NOTCH2NLA: variants seen among roughly 807,000 people sequenced by gnomAD.
NOTCH2NLA encodes the protein notch 2 N-terminal like A, also known as notch homolog 2 N-terminal-like protein A.
At chr1:146,228,336 C>T (rs587756856) in intron 1 of NOTCH2NLA, 1 of 981,536 alleles carries the variant, frequency 1.0e-6, no homozygotes, top group Admixed American at 6.1e-5. Flanking sequence ...TCGGCTCTCG[C>T]TCGACCCCAG....
intron 3 of NOTCH2NLA, among the ~76,000 whole-genome samples, chr1:146,159,074 C>T (rs1690036): frequency 5.3e-5 from 8 of 151,048 alleles, no homozygotes; most frequent in East Asian, 2.0e-4. Context: ...GAAAGATCCC[C>T]GGGCCGGAAG....
intron 2 of NOTCH2NLA, among the ~76,000 whole-genome samples, chr1:146,172,514 T>C (rs1432619653): frequency 6.6e-6 from 1 of 151,860 alleles, no homozygotes; most frequent in Non-Finnish European, 1.5e-5. Context: ...ATTTCCACAA[T>C]CTTGTTTACT....
At chr1:146,184,714 AG>A (rs1662679580) in intron 2 of NOTCH2NLA, among the ~76,000 whole-genome samples, 1 of 20,582 alleles carries the variant, frequency 4.9e-5, no homozygotes, top group African/African-American at 1.4e-4. Context: ...ACTGAGCAGA[AG>A]GCTCCTGGGG....
intron 1 of NOTCH2NLA, among the ~76,000 whole-genome samples, chr1:146,205,321 TATA>T (rs1485000369): frequency 3.1e-5 from 1 of 31,918 alleles, no homozygotes; most frequent in African/African-American, 8.3e-5. Flanking sequence ...CTAAAAAACA[TATA>T]ATAAGCTTTA....
At chr1:146,174,424 TA>T (rs1662154672) in intron 2 of NOTCH2NLA, among the ~76,000 whole-genome samples, 3 of 138,354 alleles carry the variant, frequency 2.2e-5, no homozygotes, top group South Asian at 2.3e-4. Flanking sequence ...TTTTTTTTTT[TA>T]AAACGAGGAT....
intron 2 of NOTCH2NLA, among the ~76,000 whole-genome samples, chr1:146,174,672 C>A (rs1306254334): frequency 7.0e-6 from 1 of 143,874 alleles, no homozygotes; most frequent in East Asian, 1.9e-4. Flanking sequence ...GCAGAAAATT[C>A]TTTAAACAGA....
chr1:146,194,976 A>G (rs1167934757), intron 1 of NOTCH2NLA, among the ~76,000 whole-genome samples: 1 of 110,848 alleles, frequency 9.0e-6, no homozygotes, highest in Admixed American at 9.2e-5. Flanking sequence ...CCATTCCTTC[A>G]AGGCCCAGTT....
At chr1:146,179,891 G>A (rs1662454836) in intron 2 of NOTCH2NLA, among the ~76,000 whole-genome samples, 1 of 125,914 alleles carries the variant, frequency 7.9e-6, no homozygotes, top group Non-Finnish European at 1.9e-5. Flanking sequence ...GACTTCAGAA[G>A]ACTGCCACCA....
At chr1:146,159,966 C>CAAAAAAAAAAAAAAAAAAAA (rs782308523) in intron 3 of NOTCH2NLA, among the ~76,000 whole-genome samples, 1 of 7,440 alleles carries the variant, frequency 1.3e-4, no homozygotes, top group Non-Finnish European at 4.8e-4. Context: ...TACTCCATCT[C>CAAAAAAAAAAAAAAAAAAAA]AAAAAAAAAA....
intron 2 of NOTCH2NLA, among the ~76,000 whole-genome samples, chr1:146,180,121 C>T (rs2102312918): frequency 7.0e-6 from 1 of 143,290 alleles, no homozygotes; most frequent in Non-Finnish European, 1.6e-5. Context: ...CAGAGTCCAT[C>T]TAACTTTCAG....
intron 2 of NOTCH2NLA, among the ~76,000 whole-genome samples, chr1:146,174,728 C>T (rs1553807785): frequency 1.4e-5 from 2 of 143,898 alleles, no homozygotes. Flanking sequence ...CCTCTTGGCC[C>T]CCCAATCCAC....
At chr1:146,185,948 T>A (rs1406310280) in intron 2 of NOTCH2NLA, among the ~76,000 whole-genome samples, 1 of 134,978 alleles carries the variant, frequency 7.4e-6, no homozygotes, top group Non-Finnish European at 1.7e-5. Context: ...GAAAAAAAGG[T>A]AAGGTTGGTG....
rs1662491107 is a variant in NOTCH2NLA at position 146,180,459 on chromosome 1, C to T, written c.38+8841G>A. Among the ~76,000 whole-genome samples, 2 of 141,238 alleles carry T rather than the reference C, an allele frequency of 1.4e-5. 1 individual carries two copies. The highest frequency in any genetic ancestry group is 3.2e-5 in the Non-Finnish European group (2 of 61,758). The allele number at this position is 141,238 out of a possible 152,430, so 92.7% of individuals were successfully genotyped here. A position where few individuals can be genotyped will look rare whatever the true frequency, so the allele number is the denominator to read the frequency against. ...TTTTGAGCAGAAATTAACTGCATTA[C>T]TTTTTCATAGGAGAAGGCTGATGGA... On this transcript the variant is annotated intron_variant, in intron 2 of 4. Coordinates refer to ENST00000362074, the Ensembl canonical transcript of NOTCH2NLA.
intron 1 of NOTCH2NLA, among the ~76,000 whole-genome samples, chr1:146,226,241 A>T: frequency 7.0e-6 from 1 of 143,742 alleles, no homozygotes; most frequent in Non-Finnish European, 1.5e-5. Flanking sequence ...TTTCATCACC[A>T]TCTGAAAGAA....
intron 3 of NOTCH2NLA, among the ~76,000 whole-genome samples, chr1:146,158,183 T>A (rs1405197183): frequency 6.6e-6 from 1 of 151,776 alleles, no homozygotes; most frequent in Non-Finnish European, 1.5e-5. Flanking sequence ...ATTATTATTA[T>A]ACTTTAAGTT....
At chr1:146,200,663 C>T (rs1367438238) in intron 1 of NOTCH2NLA, among the ~76,000 whole-genome samples, 1 of 125,764 alleles carries the variant, frequency 8.0e-6, no homozygotes, top group Non-Finnish European at 1.7e-5. Flanking sequence ...ACTCCATCAG[C>T]GTTTTGATTA....
Position 146,182,860 on chromosome 1 carries a change from AC to A in NOTCH2NLA, c.38+6439del, listed in dbSNP as rs1201262329. 4.9e-5 allele frequency among the ~76,000 whole-genome samples: 4 copies of A among 82,278 alleles called. No homozygotes were observed. In the Admixed American group the frequency reaches 5.8e-4, roughly 12 times the overall value. 54.0% of individuals were successfully genotyped at this position (82,278 alleles called of 152,430 possible). On this transcript the variant is annotated intron_variant, in intron 2 of 4. Transcript: ENST00000362074. ...GACTCTGTCTCAAAAAAAAACAACA[AC>A]AAAAAACTATGTCCTCTTCATGTCA...
At position 146,149,976 on chromosome 1, in the gene NOTCH2NLA, GGATA is replaced by G. The variant is rs587640896; in HGVS notation, c.635-2233_635-2230del. Among the ~76,000 whole-genome samples, 219 of 139,454 alleles carry G rather than the reference GGATA, an allele frequency of 1.6e-3. 3 individuals carry two copies. The highest frequency in any genetic ancestry group is 5.5e-3 in the African/African-American group (203 of 37,032). 91.5% of individuals were successfully genotyped at this position (139,454 alleles called of 152,430 possible). ...ACTCAAATGTCAATCAACTGATGAT[GGATA>G]AATAAAATGATAAAATGTGGTAAAT... On this transcript the variant is annotated intron_variant, in intron 4 of 5. Transcript: ENST00000579793.
exon 1 of NOTCH2NLA, chr1:146,229,015 C>A (rs1553820663): frequency 7.4e-7 from 1 of 1,346,630 alleles, no homozygotes. Context: ...GAAACTTTCT[C>A]GGGTGTGCAG....
Sources: allele counts gnomAD v4.1 joint callset (sites outside exome capture counted in the v4.1 genomes callset), GRCh38; gene constraint gnomAD v4.1.1; transcripts MANE v1.5; gene names NCBI Gene and HGNC (gene_info 2026-07-23, HGNC 2026-07-21).